Variants in PILRA observed in about 807,000 individuals in gnomAD.
The protein encoded by PILRA is paired immunoglobin like type 2 receptor alpha.
A neutral mutation model predicts 33.1 loss-of-function variants in PILRA; 37 were observed. The observed-to-expected ratio is 1.12, with a 90% confidence interval of 0.86 to 1.47. PILRA has a LOEUF of 1.47. PILRA is among the 40% of genes most tolerant of loss of function. PILRA has a pLI of 0.00. For synonymous variants in PILRA, 146 were observed against 149.9 expected, an observed-to-expected ratio of 0.97 and a Z score of 0.19; for missense variants, 312 against 376.2, an observed-to-expected ratio of 0.83 and a Z score of 1.41.
chr7:100,381,138 C>A (rs1484119147), intron 2 of PILRA, among the ~76,000 whole-genome samples: 4 of 149,542 alleles, frequency 2.7e-5, no homozygotes, highest in Non-Finnish European at 5.9e-5. Context: ...TGGTGGCGGG[C>A]ACCTGTAGTC....
At chr7:100,395,585 ATAGAC>A (rs1165022617) in intron 3 of PILRA, among the ~76,000 whole-genome samples, 2 of 152,146 alleles carry the variant, frequency 1.3e-5, no homozygotes, top group East Asian at 3.8e-4. Flanking sequence ...GCAGCACAAA[ATAGAC>A]TAAGACAGTA....
intron 2 of PILRA, among the ~76,000 whole-genome samples, chr7:100,380,839 T>C (rs2130178836): frequency 6.6e-6 from 1 of 152,166 alleles, no homozygotes; most frequent in Non-Finnish European, 1.5e-5. Context: ...GGTGTGCTGG[T>C]GTGTACCTGT....
chr7:100,374,593 C>T (rs781672703), intron 2 of PILRA, 160 bp downstream of exon 2: 8 of 773,158 alleles, frequency 1.0e-5, no homozygotes, highest in Non-Finnish European at 1.5e-5. Flanking sequence ...CACCTCTCCC[C>T]TTTTCTCTTC....
At chr7:100,381,748 C>T (rs1791100549) in intron 2 of PILRA, among the ~76,000 whole-genome samples, 1 of 152,130 alleles carries the variant, frequency 6.6e-6, no homozygotes, top group Non-Finnish European at 1.5e-5. Context: ...CGGGCGGGAA[C>T]CGGGGCTGCG....
At chr7:100,389,167 A>G (rs1274920115) in intron 2 of PILRA, among the ~76,000 whole-genome samples, 1 of 152,246 alleles carries the variant, frequency 6.6e-6, no homozygotes, top group Non-Finnish European at 1.5e-5. Flanking sequence ...GTGAAATCCC[A>G]AAGACTCTTT....
chr7:100,380,076 C>T (rs188297019), intron 2 of PILRA, among the ~76,000 whole-genome samples: 27 of 152,310 alleles, frequency 1.8e-4, no homozygotes, highest in African/African-American at 6.5e-4. Context: ...CATTCCCCTA[C>T]CCTAGCCCAA....
rs529683837 is a variant in PILRA at position 100,386,494 on chromosome 7, A to T, written c.455-3394A>T. On this transcript the variant is annotated intron_variant, in intron 2 of 6. Coordinates refer to ENST00000198536, the MANE Select transcript of PILRA (RefSeq NM_013439.3). ...ACTTTGTTGTTGTTGACAGAGTGAC[A>T]CTATGTCAAAAAAAAAAACAAAACA... is the stretch of plus-strand genomic sequence containing the variant. 1.3e-3 allele frequency among the ~76,000 whole-genome samples: 202 copies of T among 151,794 alleles called. 1 individual carries two copies. Among genetic ancestry groups the T allele is most frequent in the Admixed American group, 3.0e-3 (46 of 15,238 alleles).
chr7:100,386,088 C>T (rs1383909391), intron 2 of PILRA, among the ~76,000 whole-genome samples: 1 of 151,992 alleles, frequency 6.6e-6, no homozygotes, highest in African/African-American at 2.4e-5. Flanking sequence ...TGTCACCATG[C>T]CCACCTAATT....
chr7:100,371,334 C>T (rs892264115), upstream of PILRA, among the ~76,000 whole-genome samples: 2 of 152,178 alleles, frequency 1.3e-5, no homozygotes, highest in East Asian at 3.8e-4. Context: ...CTTCCACCTT[C>T]ATTCTTCATT....
At chr7:100,391,490 C>A (rs542878493) in intron 3 of PILRA, among the ~76,000 whole-genome samples, 1 of 152,162 alleles carries the variant, frequency 6.6e-6, no homozygotes, top group Admixed American at 6.5e-5. Flanking sequence ...AGTTCAAGAC[C>A]AGCCTGGGCA....
chr7:100,390,312 A>G (rs1232572396), intron 3 of PILRA, among the ~76,000 whole-genome samples: 1 of 152,092 alleles, frequency 6.6e-6, no homozygotes, highest in African/African-American at 2.4e-5. Context: ...GAGAGCCCAC[A>G]GCCCTTTTCA....
chr7:100,382,675 T>G (rs923379968), intron 2 of PILRA, among the ~76,000 whole-genome samples: 2 of 152,232 alleles, frequency 1.3e-5, no homozygotes, highest in African/African-American at 2.4e-5. Flanking sequence ...CAGTATCAAC[T>G]GGCTCTGGTT....
chr7:100,398,052 C>A, intron 4 of PILRA, 140 bp downstream of exon 4: 1 of 783,332 alleles, frequency 1.3e-6, no homozygotes, highest in Admixed American at 2.2e-5. Flanking sequence ...ACTTACCCAT[C>A]CTTGTTCTCC....
chr7:100,392,090 G>C (rs1791400114), intron 3 of PILRA, among the ~76,000 whole-genome samples: 1 of 152,124 alleles, frequency 6.6e-6, no homozygotes, highest in Non-Finnish European at 1.5e-5. Flanking sequence ...GGGCAGATCA[G>C]TTGAGCCCAG....
chr7:100,387,608 A>G (rs1791282297), intron 2 of PILRA, among the ~76,000 whole-genome samples: 1 of 152,106 alleles, frequency 6.6e-6, no homozygotes, highest in East Asian at 1.9e-4. Flanking sequence ...CAGGAGGTTG[A>G]GGTGGGAGGA....
At chr7:100,384,513 G>A (rs983692301) in intron 2 of PILRA, among the ~76,000 whole-genome samples, 27 of 149,714 alleles carry the variant, frequency 1.8e-4, no homozygotes, top group Admixed American at 4.7e-4. Context: ...CTGCAACCCC[G>A]GCCTCCTGAG....
intron 5 of PILRA, 82 bp downstream of exon 5, chr7:100,399,422 C>T: frequency 7.2e-7 from 1 of 1,390,690 alleles, no homozygotes. Context: ...TGGGTCCGTG[C>T]CCCTGTCAGT....
chr7:100,398,326 C>A (rs991753034), intron 4 of PILRA, among the ~76,000 whole-genome samples: 3 of 152,314 alleles, frequency 2.0e-5, no homozygotes, highest in East Asian at 1.9e-4. Flanking sequence ...GAACTCCAGG[C>A]TTCCTCTGCC....
intron 2 of PILRA, among the ~76,000 whole-genome samples, chr7:100,378,184 C>CT (rs1331148243): frequency 1.4e-5 from 2 of 147,776 alleles, no homozygotes; most frequent in African/African-American, 2.5e-5. Context: ...ACCCCCATCT[C>CT]TAAAAAAAAA....
Sources: gnomAD v4.1 joint callset for allele counts (sites outside exome capture counted in the v4.1 genomes callset) on GRCh38, gnomAD v4.1.1 for gene constraint, MANE v1.5 for transcripts, NCBI Gene and HGNC (gene_info 2026-07-23, HGNC 2026-07-21) for gene names.